SLC22A15: variants seen among roughly 807,000 people sequenced by gnomAD.
SLC22A15 encodes flipt 1.
SLC22A15 carries 45 observed loss-of-function variants against 62.7 expected under a neutral mutation model. The observed-to-expected ratio is 0.72, with a 90% CI of 0.56 to 0.92. SLC22A15 has a LOEUF of 0.92. Among genes scored for constraint, SLC22A15 ranks in the 40% least tolerant of loss-of-function variants. The pLI is 0.00. For missense variants in SLC22A15, 622 were observed against 665.6 expected (o/e 0.93, Z 0.72); for synonymous variants, 264 against 267.0 (o/e 0.99, Z 0.11).
At chr1:116,064,653 G>A (rs780783741) in intron 10 of SLC22A15, 145 bp downstream of exon 10, 25 of 645,492 alleles carry the variant, frequency 3.9e-5, no homozygotes, top group South Asian at 1.1e-4. Context: ...ATAGTATTCC[G>A]TCAGGGCAGA....
intron 8 of SLC22A15, among the ~76,000 whole-genome samples, chr1:116,053,821 G>A (rs1658125385): frequency 6.6e-6 from 1 of 151,632 alleles, no homozygotes; most frequent in African/African-American, 2.4e-5. Context: ...ATAAGTGAAG[G>A]AGAAATAAAA....
intron 6 of SLC22A15, among the ~76,000 whole-genome samples, chr1:116,034,127 A>G (rs1657544261): frequency 6.6e-6 from 1 of 152,208 alleles, no homozygotes; most frequent in Non-Finnish European, 1.5e-5. Context: ...TGTCCCCTTA[A>G]TAAACACTGA....
intron 4 of SLC22A15, among the ~76,000 whole-genome samples, chr1:116,021,905 A>ACT (rs1656857048): frequency 6.6e-6 from 1 of 151,046 alleles, no homozygotes; most frequent in Non-Finnish European, 1.5e-5. Context: ...TTCCCCAAAG[A>ACT]CTCTCCTCTT....
intron 2 of SLC22A15, among the ~76,000 whole-genome samples, chr1:116,010,163 C>A (rs1437892513): frequency 6.6e-6 from 1 of 152,172 alleles, no homozygotes; most frequent in Non-Finnish European, 1.5e-5. Flanking sequence ...TCAGATTATT[C>A]CCTGAGCTCT....
At chr1:116,051,592 C>A (rs1039301690) in intron 8 of SLC22A15, among the ~76,000 whole-genome samples, 1 of 152,108 alleles carries the variant, frequency 6.6e-6, no homozygotes, top group African/African-American at 2.4e-5. Context: ...AAATCTAAGA[C>A]CGGAAACTAT....
At position 116,019,563 on chromosome 1, in the gene SLC22A15, T is replaced by C; in HGVS notation, c.301-19T>C. ...TAACTGAATCCTACATGTCTCTCTT[T>C]TGTTTTATCTTCCTCTAGTGGTTTT... On this transcript the variant is annotated intron_variant, in intron 2 of 11. Coordinates refer to ENST00000369503, the MANE Select transcript of SLC22A15 (RefSeq NM_018420.3). 1 of 1,579,470 alleles carries C rather than the reference T, an allele frequency of 6.3e-7. No individual in the cohort carries two copies. The highest frequency in any genetic ancestry group is 8.5e-7 in the Non-Finnish European group (1 of 1,169,706).
At chr1:116,053,168 C>T (rs549228132) in intron 8 of SLC22A15, among the ~76,000 whole-genome samples, 6 of 152,058 alleles carry the variant, frequency 3.9e-5, no homozygotes, top group East Asian at 3.9e-4. Context: ...AAAATTTAGA[C>T]GAATTTATAA....
At chr1:116,024,761 A>T (rs1435268658) in intron 4 of SLC22A15, among the ~76,000 whole-genome samples, 1 of 152,146 alleles carries the variant, frequency 6.6e-6, no homozygotes, top group Non-Finnish European at 1.5e-5. Context: ...ATAGTCACAG[A>T]CAGGGCCCAG....
At chr1:115,988,808 C>T (rs1319990277) in intron 1 of SLC22A15, among the ~76,000 whole-genome samples, 1 of 151,998 alleles carries the variant, frequency 6.6e-6, no homozygotes, top group East Asian at 1.9e-4. Context: ...CCTGGGATTA[C>T]AGGTGTGAGC....
At chr1:116,050,791 T>G (rs1658032087) in intron 8 of SLC22A15, among the ~76,000 whole-genome samples, 1 of 152,278 alleles carries the variant, frequency 6.6e-6, no homozygotes, top group Middle Eastern at 3.4e-3. Context: ...CTGTCACCGT[T>G]TGCTGATGAT....
chr1:116,043,503 C>A (rs1657847286), intron 8 of SLC22A15, among the ~76,000 whole-genome samples: 1 of 152,034 alleles, frequency 6.6e-6, no homozygotes, highest in African/African-American at 2.4e-5. Flanking sequence ...TTATATAATT[C>A]TTTTAAGTAT....
chr1:116,032,428 G>T (rs558107049), intron 6 of SLC22A15: 2 of 985,330 alleles, frequency 2.0e-6, no homozygotes, highest in Non-Finnish European at 2.4e-6. Flanking sequence ...ATATGTATTT[G>T]CCATGAAGCC....
intron 2 of SLC22A15, among the ~76,000 whole-genome samples, chr1:116,012,761 G>A (rs899506983): frequency 6.6e-6 from 1 of 152,214 alleles, no homozygotes; most frequent in East Asian, 1.9e-4. Flanking sequence ...CTTGACATAT[G>A]ATTTGTTGAC....
chr1:115,993,399 C>CCACT (rs1655245744), intron 2 of SLC22A15, among the ~76,000 whole-genome samples: 1 of 150,806 alleles, frequency 6.6e-6, no homozygotes, highest in Non-Finnish European at 1.5e-5. Context: ...TTCCTGGAAG[C>CCACT]CACTCTCCTG....
intron 8 of SLC22A15, among the ~76,000 whole-genome samples, chr1:116,053,245 C>T (rs1658110930): frequency 6.6e-6 from 1 of 152,040 alleles, no homozygotes; most frequent in African/African-American, 2.4e-5. Flanking sequence ...GCTCGAGAAC[C>T]ACATGAAGAA....
At chr1:116,065,069 A>G (rs1658464649) in intron 10 of SLC22A15, among the ~76,000 whole-genome samples, 1 of 152,110 alleles carries the variant, frequency 6.6e-6, no homozygotes, top group South Asian at 2.1e-4. Flanking sequence ...AGATTAAATG[A>G]CAGCCCTAAA....
chr1:116,046,121 A>C (rs1469737104), intron 8 of SLC22A15, among the ~76,000 whole-genome samples: 1 of 152,220 alleles, frequency 6.6e-6, no homozygotes, highest in Non-Finnish European at 1.5e-5. Flanking sequence ...TTTAACTGAA[A>C]TGTAAATGCT....
At chr1:116,030,849 T>C (rs1239551775) in intron 5 of SLC22A15, among the ~76,000 whole-genome samples, 1 of 152,186 alleles carries the variant, frequency 6.6e-6, no homozygotes, top group Non-Finnish European at 1.5e-5. Flanking sequence ...CTCTACCTCC[T>C]ACATGTCACT....
At chr1:115,988,557 G>T (rs1654994187) in intron 1 of SLC22A15, among the ~76,000 whole-genome samples, 1 of 152,132 alleles carries the variant, frequency 6.6e-6, no homozygotes, top group Non-Finnish European at 1.5e-5. Context: ...GACTCTCTCT[G>T]TCACCCAGGC....
Sources: allele counts gnomAD v4.1 joint callset (sites outside exome capture counted in the v4.1 genomes callset), GRCh38; gene constraint gnomAD v4.1.1; transcripts MANE v1.5; gene names NCBI Gene and HGNC (gene_info 2026-07-23, HGNC 2026-07-21).